Variants in HSPA12A observed in about 807,000 individuals in gnomAD.
HSPA12A encodes heat shock 70 kDa protein 12A.
A neutral mutation model predicts 69.2 loss-of-function variants in HSPA12A; 28 were observed. The ratio of observed to expected loss-of-function variants is 0.40; its 90% confidence interval spans 0.30 to 0.55. The LOEUF is 0.55. Among genes scored for constraint, HSPA12A ranks in the 20% least tolerant of loss-of-function variants. The pLI is 0.38. For synonymous variants in HSPA12A, 345 were observed against 370.5 expected, an observed-to-expected ratio of 0.93 and a Z score of 0.79; for missense variants, 686 against 900.7, an observed-to-expected ratio of 0.76 and a Z score of 3.05.
At chr10:116,814,668 A>T (rs1255970023) in intron 2 of HSPA12A, among the ~76,000 whole-genome samples, 2 of 152,206 alleles carry the variant, frequency 1.3e-5, no homozygotes, top group Non-Finnish European at 2.9e-5. Context: ...CTTGGGCCAG[A>T]CTAGACAGCT....
intron 1 of HSPA12A, among the ~76,000 whole-genome samples, chr10:116,722,462 A>C (rs1850811249): frequency 6.6e-6 from 1 of 152,192 alleles, no homozygotes; most frequent in Non-Finnish European, 1.5e-5. Flanking sequence ...CCTGAATGGC[A>C]TAGACACCAC....
chr10:116,759,415 G>T (rs575051099), intron 2 of HSPA12A, among the ~76,000 whole-genome samples: 1 of 152,144 alleles, frequency 6.6e-6, no homozygotes, highest in Non-Finnish European at 1.5e-5. Context: ...AATCCCCTCA[G>T]CCAACCTCTC....
At chr10:116,808,823 G>A (rs1376357163) in intron 2 of HSPA12A, among the ~76,000 whole-genome samples, 1 of 152,160 alleles carries the variant, frequency 6.6e-6, no homozygotes, top group Non-Finnish European at 1.5e-5. Flanking sequence ...TGTACAGGGT[G>A]TATTTACAGA....
intron 2 of HSPA12A, among the ~76,000 whole-genome samples, chr10:116,758,713 T>C (rs1377594696): frequency 4.6e-5 from 7 of 152,134 alleles, no homozygotes; most frequent in African/African-American, 1.4e-4. Flanking sequence ...TATATATATA[T>C]TTATCAAATG....
At chr10:116,817,610 G>T (rs1289234747) in intron 2 of HSPA12A, among the ~76,000 whole-genome samples, 1 of 152,096 alleles carries the variant, frequency 6.6e-6, no homozygotes, top group Non-Finnish European at 1.5e-5. Context: ...CCATAGCGAT[G>T]GGTGTCAGGC....
intron 1 of HSPA12A, among the ~76,000 whole-genome samples, chr10:116,740,648 G>A (rs1362972842): frequency 9.4e-4 from 12 of 12,728 alleles, no homozygotes; most frequent in Admixed American, 3.2e-3. Context: ...GTGTGTGTGT[G>A]TGTGTGTGTG....
intron 5 of HSPA12A, among the ~76,000 whole-genome samples, chr10:116,693,653 GC>G (rs1564781570): frequency 6.6e-6 from 1 of 151,936 alleles, no homozygotes; most frequent in East Asian, 1.9e-4. Context: ...AAACAAAATT[GC>G]TGACACTGTC....
chr10:116,720,376 A>T (rs1850738232), intron 1 of HSPA12A, among the ~76,000 whole-genome samples: 1 of 152,222 alleles, frequency 6.6e-6, no homozygotes, highest in Non-Finnish European at 1.5e-5. Context: ...GGGCTGGGGC[A>T]AGAGCTGGCA....
At chr10:116,770,974 T>C (rs1844192083) in intron 2 of HSPA12A, among the ~76,000 whole-genome samples, 1 of 124,398 alleles carries the variant, frequency 8.0e-6, no homozygotes, top group Admixed American at 8.4e-5. Context: ...GAGGGGGCAG[T>C]GGACTGCAGG....
intron 2 of HSPA12A, among the ~76,000 whole-genome samples, chr10:116,796,175 G>T (rs56130628): frequency 0.021 from 3,023 of 140,952 alleles, 57 homozygotes; most frequent in Non-Finnish European, 0.032. Context: ...AAGAAAGAAA[G>T]AAGAAAATTA....
rs1460024440 is a variant in HSPA12A at position 116,701,093 on chromosome 10, C to T, written c.291G>A (p.Gln97=). ...TCAGCAAGATGGTGGTTGGAGTCTT[C>T]TGATTGGACACACCAGGGTCACCTC... is the stretch of plus-strand genomic sequence containing the variant. The part of the protein sequence containing the change: ...WEGGDPGVSN[Q]KTPTTILLTP... Residue 97 remains glutamine (Q), a synonymous_variant, in exon 4 of 12, where the codon CAG becomes CAA. Coordinates refer to ENST00000369209, the MANE Select transcript of HSPA12A (RefSeq NM_025015.3). 1.2e-5 allele frequency: 19 copies of T among 1,614,012 alleles called. No homozygotes were observed. The highest frequency in any genetic ancestry group is 1.5e-5 in the Non-Finnish European group (18 of 1,180,036).
intron 1 of HSPA12A, among the ~76,000 whole-genome samples, chr10:116,837,093 C>T (rs986109354): frequency 6.6e-6 from 1 of 152,072 alleles, no homozygotes; most frequent in Admixed American, 6.5e-5. Context: ...ACTGTGGGAA[C>T]GGGGACCACA....
chr10:116,732,328 C>CGAAAGAACGAA, intron 1 of HSPA12A, among the ~76,000 whole-genome samples: 1 of 124,180 alleles, frequency 8.1e-6, no homozygotes, highest in South Asian at 2.6e-4. Context: ...TCAAAAAAAA[C>CGAAAGAACGAA]AAAGAAAGAA....
intron 2 of HSPA12A, among the ~76,000 whole-genome samples, chr10:116,826,351 T>C (rs1364255654): frequency 1.3e-5 from 2 of 152,212 alleles, no homozygotes; most frequent in Non-Finnish European, 2.9e-5. Flanking sequence ...CCAGAACTTA[T>C]CAATGTGCCT....
At position 116,849,676 on chromosome 10, in the gene HSPA12A, A is replaced by T. The variant is rs774862348; in HGVS notation, c.-108T>A. 4.5e-6 allele frequency: 7 copies of T among 1,549,724 alleles called. No homozygotes were observed. In the South Asian group the frequency reaches 7.1e-5, roughly 16 times the overall value. ...GAGAACGACGTTCCGCGCAGGCTGG[A>T]AGAGCTGCTCAACTCCACCTTCTAC... On this transcript the variant is annotated 5_prime_UTR_variant, in exon 1 of 13. Coordinates refer to the HSPA12A transcript ENST00000635765.
chr10:116,786,370 G>C (rs1374448182), intron 2 of HSPA12A, among the ~76,000 whole-genome samples: 3 of 152,190 alleles, frequency 2.0e-5, no homozygotes, highest in East Asian at 1.9e-4. Flanking sequence ...GGGAGGTCTA[G>C]GGAGCAGCTC....
At position 116,798,215 on chromosome 10, in the gene HSPA12A, G is replaced by A. The variant is rs952471618; in HGVS notation, c.91+36720C>T. On this transcript the variant is annotated intron_variant, in intron 2 of 12. Transcript: ENST00000635765. ...GGGGCAGGGAGCAGGGGTGGCAGGA[G>A]GGAGCCCAGTCAGGCAGCCACTGCA... Among the ~76,000 whole-genome samples the A allele has an allele frequency of 1.1e-4, 16 of 152,168 alleles. No individual in the cohort carries two copies. The East Asian group carries it at 2.7e-3, about 26-fold the overall frequency.
chr10:116,833,126 C>A (rs1845649914), intron 2 of HSPA12A: 1 of 152,158 alleles, frequency 6.6e-6, no homozygotes, highest in South Asian at 2.1e-4. Flanking sequence ...TAGTTTAACA[C>A]AACACTGGCC....
chr10:116,725,387 A>G (rs556767349), intron 1 of HSPA12A, among the ~76,000 whole-genome samples: 1 of 152,276 alleles, frequency 6.6e-6, no homozygotes, highest in East Asian at 1.9e-4. Flanking sequence ...CGTTAACATC[A>G]GGTCAGCATC....
Sources: allele counts gnomAD v4.1 joint callset (sites outside exome capture counted in the v4.1 genomes callset), GRCh38; gene constraint gnomAD v4.1.1; transcripts MANE v1.5; gene names NCBI Gene and HGNC (gene_info 2026-07-23, HGNC 2026-07-21).